ASCC3: variants seen among roughly 807,000 people sequenced by gnomAD.
ASCC3 encodes activating signal cointegrator 1 complex subunit 3.
In ASCC3, 158 loss-of-function variants were observed where a neutral mutation model predicts 256.3. That is an observed-to-expected ratio of 0.62 (90% CI 0.54 to 0.70). The LOEUF is 0.70. Among genes scored for constraint, ASCC3 ranks in the 30% least tolerant of loss-of-function variants. ASCC3 has a pLI of 0.00. For synonymous variants in ASCC3, 948 were observed against 883.4 expected (o/e 1.07, Z -1.30); for missense variants, 2,259 against 2,626.0 (o/e 0.86, Z 3.05).
rs1386297431 is a variant in ASCC3 at position 100,508,785 on chromosome 6, T to C, written c.*601A>G. ...CCCAGTTAACCATGTCTACATTTTC[T>C]AAGATCAGTATATTGTTTTCTTTGT... On this transcript the variant is annotated 3_prime_UTR_variant, in exon 42 of 42. Transcript: ENST00000369162. 6.6e-6 allele frequency: 1 copy of C among 152,418 alleles called. No individual in the cohort carries two copies. Among genetic ancestry groups the C allele is most frequent in the Admixed American group, 6.5e-5 (1 of 15,320 alleles). 9.4% of individuals were successfully genotyped at this position (152,418 alleles called of 1,614,324 possible). A position where few individuals can be genotyped will look rare whatever the true frequency, so the allele number is the denominator to read the frequency against.
intron 4 of ASCC3, among the ~76,000 whole-genome samples, chr6:100,836,735 A>G (rs927649867): frequency 3.3e-5 from 5 of 152,040 alleles, no homozygotes; most frequent in Non-Finnish European, 4.4e-5. Context: ...TGGTTTTGGT[A>G]TCAGGATAGT....
intron 4 of ASCC3, among the ~76,000 whole-genome samples, chr6:100,835,532 T>G (rs1036161301): frequency 4.6e-5 from 7 of 152,194 alleles, no homozygotes; most frequent in Non-Finnish European, 1.0e-4. Context: ...GACACTGTCC[T>G]TTATCCATTG....
chr6:100,690,460 A>G (rs1777791842), intron 13 of ASCC3, among the ~76,000 whole-genome samples: 1 of 152,146 alleles, frequency 6.6e-6, no homozygotes, highest in African/African-American at 2.4e-5. Context: ...CATTTGGATT[A>G]CAACAATAAA....
chr6:100,773,883 C>T (rs1286718337), intron 8 of ASCC3, among the ~76,000 whole-genome samples: 2 of 152,004 alleles, frequency 1.3e-5, no homozygotes, highest in Non-Finnish European at 2.9e-5. Flanking sequence ...TGAATCTAGC[C>T]AAAATATGTA....
At chr6:100,704,441 T>C (rs1778488452) in intron 13 of ASCC3, among the ~76,000 whole-genome samples, 1 of 152,016 alleles carries the variant, frequency 6.6e-6, no homozygotes, top group African/African-American at 2.4e-5. Flanking sequence ...ATCTGGAGAA[T>C]ATAAACTTTA....
At chr6:100,872,171 A>C (rs1316087856) in intron 1 of ASCC3, among the ~76,000 whole-genome samples, 1 of 152,164 alleles carries the variant, frequency 6.6e-6, no homozygotes, top group Non-Finnish European at 1.5e-5. Flanking sequence ...ATGTATTAAT[A>C]CTGTGCCTCT....
intron 37 of ASCC3, among the ~76,000 whole-genome samples, chr6:100,524,683 G>T (rs1438284851): frequency 6.6e-6 from 1 of 152,006 alleles, no homozygotes; most frequent in African/African-American, 2.4e-5. Context: ...AATCCTTAGT[G>T]TCCTCAAGTC....
chr6:100,672,007 G>A (rs994436005), intron 14 of ASCC3, among the ~76,000 whole-genome samples: 9 of 151,896 alleles, frequency 5.9e-5, no homozygotes, highest in African/African-American at 1.9e-4. Context: ...CAATGTGCAT[G>A]TTTTTATGTC....
At chr6:100,664,798 G>A (rs1024889506) in intron 14 of ASCC3, among the ~76,000 whole-genome samples, 8 of 152,140 alleles carry the variant, frequency 5.3e-5, no homozygotes, top group Admixed American at 4.6e-4. Flanking sequence ...GTAGGGAGAG[G>A]AGAAACATTT....
intron 37 of ASCC3, among the ~76,000 whole-genome samples, chr6:100,539,156 C>T (rs1775313850): frequency 6.6e-6 from 1 of 152,114 alleles, no homozygotes; most frequent in African/African-American, 2.4e-5. Context: ...CCCATACTAA[C>T]CTGCTCAAAC....
intron 37 of ASCC3, among the ~76,000 whole-genome samples, chr6:100,523,129 G>A (rs774198569): frequency 2.2e-4 from 34 of 151,568 alleles, no homozygotes; most frequent in Non-Finnish European, 4.3e-4. Flanking sequence ...AGGGAATGTG[G>A]TATACTAGAA....
intron 8 of ASCC3, among the ~76,000 whole-genome samples, chr6:100,774,346 C>T (rs1033359996): frequency 4.0e-5 from 6 of 151,470 alleles, no homozygotes; most frequent in African/African-American, 9.7e-5. Context: ...TGTCATGACA[C>T]GTGCATGTCA....
At chr6:100,869,378 T>C (rs1773628958) in intron 1 of ASCC3, among the ~76,000 whole-genome samples, 2 of 152,218 alleles carry the variant, frequency 1.3e-5, no homozygotes, top group South Asian at 2.1e-4. Context: ...AAAAGGGTAA[T>C]ACTTGGAAAA....
chr6:100,875,379 G>A (rs550160100), intron 1 of ASCC3, among the ~76,000 whole-genome samples: 1 of 152,248 alleles, frequency 6.6e-6, no homozygotes, highest in East Asian at 1.9e-4. Flanking sequence ...TTAATTATGG[G>A]CTATCAAGTG....
intron 30 of ASCC3, among the ~76,000 whole-genome samples, chr6:100,608,118 C>CTA (rs201020275): frequency 4.7e-4 from 11 of 23,350 alleles, no homozygotes; most frequent in African/African-American, 1.2e-3. Context: ...GTATATATAT[C>CTA]TATATATACA....
At chr6:100,878,194 A>T (rs2114578850) in intron 1 of ASCC3, among the ~76,000 whole-genome samples, 1 of 152,378 alleles carries the variant, frequency 6.6e-6, no homozygotes, top group Admixed American at 6.5e-5. Context: ...TGCAGAACAG[A>T]GAAAGCATGA....
At chr6:100,820,348 A>G (rs1770975988) in intron 4 of ASCC3, among the ~76,000 whole-genome samples, 1 of 152,222 alleles carries the variant, frequency 6.6e-6, no homozygotes, top group Non-Finnish European at 1.5e-5. Flanking sequence ...TCTATGGTCA[A>G]CCAATTTTTT....
At chr6:100,880,066 CAA>C (rs1489839561) in intron 1 of ASCC3, among the ~76,000 whole-genome samples, 1 of 151,924 alleles carries the variant, frequency 6.6e-6, no homozygotes, top group Non-Finnish European at 1.5e-5. Context: ...GAATGAATGA[CAA>C]AAAACTGTTA....
intron 13 of ASCC3, among the ~76,000 whole-genome samples, chr6:100,703,509 A>C (rs1778438828): frequency 2.6e-5 from 4 of 152,020 alleles, no homozygotes; most frequent in Admixed American, 2.6e-4. Flanking sequence ...CAGTATATTA[A>C]TGACAAGATT....
Sources: gnomAD v4.1 joint callset for allele counts (sites outside exome capture counted in the v4.1 genomes callset) on GRCh38, gnomAD v4.1.1 for gene constraint, MANE v1.5 for transcripts, NCBI Gene and HGNC (gene_info 2026-07-23, HGNC 2026-07-21) for gene names.